The following DYNLRB2 variants were observed in gnomAD, a reference collection of about 807,000 sequenced individuals.
DYNLRB2 encodes bithoraxoid-like protein.
DYNLRB2 carries 14 observed loss-of-function variants against 12.6 expected under a neutral mutation model. The ratio of observed to expected loss-of-function variants is 1.11; its 90% CI spans 0.73 to 1.73. The LOEUF (loss-of-function observed/expected upper bound fraction) is 1.73, where lower values mean the gene tolerates loss of function less well. Ranked by LOEUF, DYNLRB2 falls within the 40% of genes most tolerant of loss-of-function variation. The pLI is 0.00. For missense variants in DYNLRB2, 142 were observed against 117.7 expected, an observed-to-expected ratio of 1.21 and a Z score of -0.95; for synonymous variants, 53 against 37.0, an observed-to-expected ratio of 1.43 and a Z score of -1.57.
intron 2 of DYNLRB2, among the ~76,000 whole-genome samples, chr16:80,546,117 T>C (rs78093505): frequency 1.7e-3 from 254 of 152,326 alleles, no homozygotes; most frequent in African/African-American, 5.9e-3. Flanking sequence ...AGGGGCTTAT[T>C]TTTATGGTTC....
At chr16:80,541,338 A>G in intron 1 of DYNLRB2, 1 of 984,338 alleles carries the variant, frequency 1.0e-6, no homozygotes, top group Non-Finnish European at 1.2e-6. Flanking sequence ...GAGAAAGGGA[A>G]GAGAGAGATT....
At chr16:80,541,263 T>C (rs909118959) in intron 1 of DYNLRB2, 184 bp downstream of exon 1, 72 of 949,526 alleles carry the variant, frequency 7.6e-5, no homozygotes, top group Non-Finnish European at 8.8e-5. Flanking sequence ...AGAAGATGTC[T>C]AGATGACTGG....
At chr16:80,541,271 T>A in intron 1 of DYNLRB2, 192 bp downstream of exon 1, 1 of 950,228 alleles carries the variant, frequency 1.1e-6, no homozygotes, top group Non-Finnish European at 1.3e-6. Context: ...TCTAGATGAC[T>A]GGAAGCTGTT....
chr16:80,545,663 C>CTTATTTTTTT lies in DYNLRB2; in HGVS notation c.79+2314_79+2315insATTTTTTTTT, dbSNP rs1597091152. On this transcript the variant is annotated intron_variant, in intron 2 of 3. Transcript: ENST00000305904. ...AAATATTATTTTCAGTACCCATTAG[C>CTTATTTTTTT]TTCTTTTTTTTTTTTTTTTTTTGAG... is the stretch of plus-strand genomic sequence containing the variant. 1.3e-4 allele frequency among the ~76,000 whole-genome samples: 4 copies of CTTATTTTTTT among 30,168 alleles called. No individual in the cohort carries two copies. The East Asian group carries it at 2.7e-3, about 20-fold the overall frequency. The allele number at this position is 30,168 out of a possible 152,430, so 19.8% of individuals were successfully genotyped here. A position where few individuals can be genotyped will look rare whatever the true frequency, so the allele number is the denominator to read the frequency against.
intron 3 of DYNLRB2, among the ~76,000 whole-genome samples, chr16:80,550,256 C>T (rs1478663812): frequency 1.3e-5 from 2 of 152,188 alleles, no homozygotes; most frequent in Non-Finnish European, 2.9e-5. Flanking sequence ...GGCTACACAT[C>T]CAATCACTTG....
chr16:80,543,889 A>C (rs917710758), intron 2 of DYNLRB2, among the ~76,000 whole-genome samples: 1 of 152,252 alleles, frequency 6.6e-6, no homozygotes, highest in Non-Finnish European at 1.5e-5. Flanking sequence ...GACTTACCAG[A>C]AACTTGCTCT....
At chr16:80,540,822 G>C, upstream of DYNLRB2, 1 of 714,640 alleles carries the variant, frequency 1.4e-6, no homozygotes, top group Non-Finnish European at 2.5e-6. Context: ...TTCCCTCCCG[G>C]GACCCACTGC....
intron 2 of DYNLRB2, among the ~76,000 whole-genome samples, chr16:80,545,483 A>G (rs975893811): frequency 6.6e-6 from 1 of 152,034 alleles, no homozygotes; most frequent in African/African-American, 2.4e-5. Flanking sequence ...TTCTAATCCT[A>G]TTTATGGCCA....
At chr16:80,549,722 A>C (rs1904722833) in intron 3 of DYNLRB2, 71 bp downstream of exon 3, 6 of 1,433,470 alleles carry the variant, frequency 4.2e-6, no homozygotes, top group Non-Finnish European at 5.7e-6. Flanking sequence ...TGTTTCTATG[A>C]ATGGTAAGTA....
At chr16:80,541,358 A>G (rs908674807) in intron 1 of DYNLRB2, 1 of 984,560 alleles carries the variant, frequency 1.0e-6, no homozygotes, top group Non-Finnish European at 1.2e-6. Context: ...TCAGAGGATG[A>G]AGAATGCTCA....
chr16:80,545,799 C>T (rs1288862167), intron 2 of DYNLRB2, among the ~76,000 whole-genome samples: 1 of 150,812 alleles, frequency 6.6e-6, no homozygotes, highest in East Asian at 1.9e-4. Flanking sequence ...CCTCAGCCTC[C>T]CAAGTAGCTG....
intron 2 of DYNLRB2, among the ~76,000 whole-genome samples, chr16:80,546,820 C>T (rs888476260): frequency 2.6e-5 from 4 of 152,144 alleles, no homozygotes; most frequent in Non-Finnish European, 4.4e-5. Context: ...CAGCCAATTC[C>T]TTTTATTTTG....
chr16:80,547,611 T>C (rs1011505187), intron 2 of DYNLRB2: 2 of 350,962 alleles, frequency 5.7e-6, no homozygotes, highest in Non-Finnish European at 1.1e-5. Context: ...TTTAAATAAT[T>C]TATTCTGGTT....
At position 80,541,086 on chromosome 16, in the gene DYNLRB2, CTG is replaced by C; in HGVS notation, c.3+8_3+9del. On this transcript the variant is annotated splice_region_variant and intron_variant, in intron 1 of 3. Coordinates refer to ENST00000305904, the MANE Select transcript of DYNLRB2 (RefSeq NM_130897.3). ...TTTCGCGGCCTCCGCGATGGTAAAT[CTG>C]GGGTCTCCGTCCACGCCCCGCCGTT... 1 of 1,606,364 alleles carries C rather than the reference CTG, an allele frequency of 6.2e-7. No individual in the cohort carries two copies. Among genetic ancestry groups the C allele is most frequent in the East Asian group, 2.2e-5 (1 of 44,662 alleles).
At chr16:80,549,708 G>A in intron 3 of DYNLRB2, 57 bp downstream of exon 3, 9 of 1,509,074 alleles carry the variant, frequency 6.0e-6, no homozygotes, top group Non-Finnish European at 8.1e-6. Context: ...TAGATTAAAA[G>A]CCTTGTTTCT....
At chr16:80,547,476 GA>G (rs1904546463) in intron 2 of DYNLRB2, among the ~76,000 whole-genome samples, 2 of 149,246 alleles carry the variant, frequency 1.3e-5, no homozygotes, top group African/African-American at 4.9e-5. Context: ...TGGCGGATAT[GA>G]AAAACTCCAT....
chr16:80,544,297 C>G lies in DYNLRB2; in HGVS notation c.79+946C>G, dbSNP rs554787639. Reference sequence around the variant, plus strand: ...TGAGTGCTTGGCATAATACCCAATACTTGATAGTAATTAAATAGTTATGAG... The same window carrying G: ...TGAGTGCTTGGCATAATACCCAATAGTTGATAGTAATTAAATAGTTATGAG... On this transcript the variant is annotated intron_variant, in intron 2 of 3. Coordinates refer to ENST00000305904, the MANE Select transcript of DYNLRB2 (RefSeq NM_130897.3). Among the ~76,000 whole-genome samples, 15 of 152,266 alleles carry G rather than the reference C, an allele frequency of 9.9e-5. 1 individual carries two copies. The highest frequency in any genetic ancestry group is 3.6e-4 in the African/African-American group (15 of 41,546).
chr16:80,548,940 C>T (rs1489891783), intron 2 of DYNLRB2: 2 of 455,972 alleles, frequency 4.4e-6, no homozygotes, highest in Admixed American at 4.7e-5. Context: ...TTTGTGGCCT[C>T]AGGGAAGAAG....
chr16:80,547,201 G>A (rs768171258), intron 2 of DYNLRB2, among the ~76,000 whole-genome samples: 2 of 152,126 alleles, frequency 1.3e-5, no homozygotes, highest in Non-Finnish European at 2.9e-5. Context: ...AATTTCCAAA[G>A]AGTATTAAAT....
Sources: gnomAD v4.1 joint callset for allele counts (sites outside exome capture counted in the v4.1 genomes callset) on GRCh38, gnomAD v4.1.1 for gene constraint, MANE v1.5 for transcripts, NCBI Gene and HGNC (gene_info 2026-07-23, HGNC 2026-07-21) for gene names.